The following DLK1 variants were observed in gnomAD, a reference collection of about 807,000 sequenced individuals.
DLK1 encodes the protein delta like non-canonical Notch ligand 1.
A neutral mutation model predicts 35.2 loss-of-function variants in DLK1; 9 were observed. The ratio of observed to expected loss-of-function variants is 0.26; its 90% CI spans 0.15 to 0.45. The LOEUF is 0.45. Among genes scored for constraint, DLK1 ranks in the 20% least tolerant of loss-of-function variants. The pLI is 1.00. For synonymous variants in DLK1, 231 were observed against 228.4 expected, an observed-to-expected ratio of 1.01 and a Z score of -0.10; for missense variants, 522 against 528.5, an observed-to-expected ratio of 0.99 and a Z score of 0.12.
Position 100,734,353 on chromosome 14 carries a change from G to C in DLK1, c.609G>C (p.Lys203Asn), listed in dbSNP as rs1396623325. ...RCRCPAGFIDKTCSRPVTNCA... is the reference protein window; with the variant it reads ...RCRCPAGFIDNTCSRPVTNCA... ...GGTGCCCAGCCGGCTTCATCGACAA[G>C]ACCTGCAGCCGCCCGGTGACCAACT... The change falls in exon 5 of 5, where the codon AAG (lysine) becomes AAC (asparagine). Residue 203 changes from lysine to asparagine, a missense_variant. Transcript: ENST00000341267. The surrounding 1 kb of genome is among the most constrained non-coding windows in gnomAD (Gnocchi z 7.4). 1.9e-6 allele frequency: 3 copies of C among 1,612,630 alleles called. No individual in the cohort carries two copies. In the African/African-American group the frequency reaches 4.0e-5, roughly 22 times the overall value.
chr14:100,734,836 C>T lies in DLK1; in HGVS notation c.1092C>T (p.Ile364=). ...NSGEDLAVNI[I]FPEKIDMTTF... is the part of the protein sequence containing the mutation. ...GGGAGGACCTGGCCGTCAACATCAT[C>T]TTCCCCGAGAAGATCGACATGACCA... The change falls in exon 5 of 5, where the codon ATC becomes ATT. Residue 364 remains isoleucine, a synonymous_variant. Transcript: ENST00000341267. The surrounding 1 kb of genome is among the most constrained non-coding windows in gnomAD (Gnocchi z 7.4). 1 of 1,612,838 alleles carries T rather than the reference C, an allele frequency of 6.2e-7. No homozygotes were observed. Among genetic ancestry groups the T allele is most frequent in the Non-Finnish European group, 8.5e-7 (1 of 1,179,696 alleles).
At chr14:100,733,382 C>G (rs1359704036) in intron 4 of DLK1, among the ~76,000 whole-genome samples, 1 of 152,184 alleles carries the variant, frequency 6.6e-6, no homozygotes, top group Non-Finnish European at 1.5e-5. Flanking sequence ...AAAGCACTTA[C>G]ATTAAATGCT....
intron 4 of DLK1, among the ~76,000 whole-genome samples, chr14:100,733,199 G>A (rs1191676786): frequency 1.3e-5 from 2 of 152,146 alleles, no homozygotes; most frequent in African/African-American, 4.8e-5. Flanking sequence ...CTTTTCTCGC[G>A]AATGGACTTA....
chr14:100,727,182 C>T (rs1355337528), intron 1 of DLK1, 47 bp downstream of exon 1: 6 of 1,498,352 alleles, frequency 4.0e-6, no homozygotes, highest in Non-Finnish European at 5.4e-6. Flanking sequence ...GGGAAGCCTG[C>T]GACTCCCCGC....
In DLK1 at chr14:100,737,518, G is replaced by A. The variant is rs1374488152; in HGVS notation, c.*2622G>A. 3 of 152,152 alleles carry A rather than the reference G, an allele frequency of 2.0e-5. No homozygotes were observed. Among genetic ancestry groups the A allele is most frequent in the Non-Finnish European group, 2.9e-5 (2 of 68,068 alleles). 9.4% of individuals were successfully genotyped at this position (152,152 alleles called of 1,614,324 possible). On this transcript the variant is annotated 3_prime_UTR_variant, in exon 5 of 5. Transcript: ENST00000341267. ...AACAAGAAAAAGACGTCCCACGGTC[G>A]AGGTATCCTTGACCAACTCCCCATC...
intron 2 of DLK1, 112 bp from the exon 3 acceptor site, chr14:100,728,824 G>A: frequency 7.2e-7 from 1 of 1,387,352 alleles, no homozygotes; most frequent in Non-Finnish European, 9.8e-7. Context: ...ACCACCGGCT[G>A]CCACTGTGCA....
intron 4 of DLK1, among the ~76,000 whole-genome samples, chr14:100,733,102 T>G (rs1230888175): frequency 6.6e-6 from 1 of 152,124 alleles, no homozygotes; most frequent in Non-Finnish European, 1.5e-5. Flanking sequence ...TCAGACGGGG[T>G]CAGAGTGGGG....
chr14:100,730,179 G>A (rs933755768), intron 3 of DLK1, among the ~76,000 whole-genome samples: 2 of 152,152 alleles, frequency 1.3e-5, no homozygotes, highest in Non-Finnish European at 2.9e-5. Flanking sequence ...AGGTTTACCC[G>A]CAGCTGACTC....
intron 4 of DLK1, among the ~76,000 whole-genome samples, chr14:100,732,982 C>G (rs781592505): frequency 6.6e-5 from 10 of 152,168 alleles, no homozygotes; most frequent in African/African-American, 9.7e-5. Context: ...GAAACAGAAG[C>G]TAACATGCAA....
intron 2 of DLK1, 165 bp downstream of exon 2, chr14:100,728,624 C>CT (rs2036467281): frequency 2.5e-5 from 4 of 160,390 alleles, no homozygotes; most frequent in African/African-American, 1.6e-4. Context: ...ATGGGGGGGG[C>CT]GGGGGGGGGG....
At position 100,726,892 on chromosome 14, in the gene DLK1, G is replaced by A; in HGVS notation, c.-177G>A. 1.2e-5 allele frequency: 5 copies of A among 414,956 alleles called. No individual in the cohort carries two copies. Among genetic ancestry groups the A allele is most frequent in the Non-Finnish European group, 1.9e-5 (5 of 265,928 alleles). The allele number at this position is 414,956 out of a possible 1,614,324, so 25.7% of individuals were successfully genotyped here. A position where few individuals can be genotyped will look rare whatever the true frequency, so the allele number is the denominator to read the frequency against. On this transcript the variant is annotated 5_prime_UTR_variant, in exon 1 of 5. Transcript: ENST00000341267. This position sits in a 1 kb window ranked among gnomAD's most constrained non-coding sequence, Gnocchi z 4.2. The stretch of plus-strand genomic sequence containing the variant: ...AAAGGGCGGCGCGCGCGGCGGCGGC[G>A]GCAGCTCCCCGGCAGCGGCGGTGGA...
At chr14:100,730,906 G>C (rs1161566850) in intron 3 of DLK1, among the ~76,000 whole-genome samples, 2 of 152,086 alleles carry the variant, frequency 1.3e-5, no homozygotes, top group African/African-American at 4.8e-5. Flanking sequence ...GAGGGTGTGG[G>C]TCTCTCTGAG....
At chr14:100,729,694 C>T (rs2036486129) in intron 3 of DLK1, among the ~76,000 whole-genome samples, 1 of 152,180 alleles carries the variant, frequency 6.6e-6, no homozygotes, top group Non-Finnish European at 1.5e-5. Context: ...GCAATCTTTG[C>T]CTCCATTACC....
At chr14:100,730,756 C>G (rs1178148103) in intron 3 of DLK1, among the ~76,000 whole-genome samples, 1 of 152,226 alleles carries the variant, frequency 6.6e-6, no homozygotes, top group East Asian at 1.9e-4. Context: ...GTGCTAATGC[C>G]TTGCCGGTGC....
At position 100,734,364 on chromosome 14, in the gene DLK1, G is replaced by A. The variant is rs200026661; in HGVS notation, c.620G>A (p.Arg207His). Reference protein sequence around the residue: ...PAGFIDKTCSRPVTNCASSPC... With the variant: ...PAGFIDKTCSHPVTNCASSPC... ...GGCTTCATCGACAAGACCTGCAGCC[G>A]CCCGGTGACCAACTGCGCCAGCAGC... Residue 207 changes from arginine to histidine, a missense_variant, in exon 5 of 5, where the codon CGC becomes CAC. Transcript: ENST00000341267. This position sits in a 1 kb window ranked among gnomAD's most constrained non-coding sequence, Gnocchi z 7.4. The A allele has an allele frequency of 3.0e-5, 49 of 1,612,002 alleles. 1 individual carries two copies. Among genetic ancestry groups the A allele is most frequent in the East Asian group, 6.7e-5 (3 of 44,866 alleles).
intron 4 of DLK1, among the ~76,000 whole-genome samples, chr14:100,732,856 G>A (rs757869157): frequency 1.0e-3 from 155 of 152,334 alleles, no homozygotes; most frequent in African/African-American, 3.6e-3. Flanking sequence ...GCTGGATGGG[G>A]CTTAGCCTGA....
rs770421114 is a variant in DLK1 at position 100,734,805 on chromosome 14, A to G, written c.1061A>G (p.Asn354Ser). 1 of 1,613,922 alleles carries G rather than the reference A, an allele frequency of 6.2e-7. No homozygotes were observed. The highest frequency in any genetic ancestry group is 1.1e-5 in the South Asian group (1 of 91,066). Residue 354 changes from asparagine (N) to serine (S), a missense_variant, in exon 5 of 5, where the codon AAC (asparagine) becomes AGC (serine). By Grantham distance (46) the Asn-to-Ser change is conservative. Coordinates refer to ENST00000341267, the MANE Select transcript of DLK1 (RefSeq NM_003836.7). This position sits in a 1 kb window ranked among gnomAD's most constrained non-coding sequence, Gnocchi z 7.4. ...AAGAAGAACCTGCTGCTTCAGTACA[A>G]CAGCGGGGAGGACCTGGCCGTCAAC... Reference protein sequence around the residue: ...RKKKNLLLQYNSGEDLAVNII... With the variant: ...RKKKNLLLQYSSGEDLAVNII...
intron 2 of DLK1, 73 bp from the exon 3 acceptor site, chr14:100,728,863 G>A (rs1293802870): frequency 6.4e-7 from 1 of 1,573,866 alleles, no homozygotes; most frequent in African/African-American, 1.3e-5. Context: ...TGGTTCCACA[G>A]AAAGTAGCCT....
intron 4 of DLK1, among the ~76,000 whole-genome samples, chr14:100,732,929 C>T (rs1038836831): frequency 1.3e-5 from 2 of 152,202 alleles, no homozygotes; most frequent in Non-Finnish European, 2.9e-5. Context: ...GAACCCAGTC[C>T]TGGGCCTGTA....
Sources: gnomAD v4.1 joint callset for allele counts (sites outside exome capture counted in the v4.1 genomes callset) on GRCh38, gnomAD v4.1.1 for gene constraint, Gnocchi (gnomAD v3.1) non-coding constraint, MANE v1.5 for transcripts, NCBI Gene and HGNC (gene_info 2026-07-23, HGNC 2026-07-21) for gene names.